Variants in XRCC4 observed in about 807,000 individuals in gnomAD.
XRCC4 encodes DNA repair protein XRCC4.
XRCC4 carries 28 observed loss-of-function variants against 39.1 expected under a neutral mutation model. That is an observed-to-expected ratio of 0.72 (90% CI 0.53 to 0.98). The LOEUF (loss-of-function observed/expected upper bound fraction) is 0.98. Ranked by LOEUF, XRCC4 falls within the 50% of genes least tolerant of loss-of-function variation. XRCC4 has a pLI of 0.00. For synonymous variants in XRCC4, 123 were observed against 126.4 expected, an observed-to-expected ratio of 0.97 and a Z score of 0.18; for missense variants, 350 against 376.4, an observed-to-expected ratio of 0.93 and a Z score of 0.58.
intron 6 of XRCC4, among the ~76,000 whole-genome samples, chr5:83,245,838 C>A (rs7724285): frequency 0.025 from 3,513 of 139,572 alleles, 125 homozygotes; most frequent in African/African-American, 0.087. Flanking sequence ...CTCACTCCCC[C>A]CCTCCATCTG....
intron 3 of XRCC4, among the ~76,000 whole-genome samples, chr5:83,162,705 G>C (rs1028527602): frequency 6.6e-6 from 1 of 151,830 alleles, no homozygotes; most frequent in African/African-American, 2.4e-5. Flanking sequence ...TAAAGTTCGT[G>C]GGTTTCTAGA....
intron 3 of XRCC4, among the ~76,000 whole-genome samples, chr5:83,153,938 T>G (rs1258123991): frequency 6.6e-6 from 1 of 152,226 alleles, no homozygotes. Flanking sequence ...TTTTTACAAC[T>G]TTTTTATTGG....
intron 3 of XRCC4, among the ~76,000 whole-genome samples, chr5:83,189,388 G>A (rs28523910): frequency 0.021 from 3,254 of 152,088 alleles, 94 homozygotes; most frequent in African/African-American, 0.072. Context: ...ATATTAAATC[G>A]TATAGCGTAG....
At chr5:83,277,323 TA>T (rs1754369624) in intron 7 of XRCC4, among the ~76,000 whole-genome samples, 1 of 152,212 alleles carries the variant, frequency 6.6e-6, no homozygotes, top group Non-Finnish European at 1.5e-5. Flanking sequence ...AAGTTTTGAT[TA>T]AAAGTGACAT....
chr5:83,365,636 TA>T, the XRCC4 span, among the ~76,000 whole-genome samples: 1 of 152,264 alleles, frequency 6.6e-6, no homozygotes, highest in East Asian at 1.9e-4. Context: ...TTTTGGCAGA[TA>T]ATACACAAGT....
intron 7 of XRCC4, among the ~76,000 whole-genome samples, chr5:83,290,403 A>G (rs936782394): frequency 6.6e-6 from 1 of 151,028 alleles, no homozygotes; most frequent in Admixed American, 6.6e-5. Context: ...AGAAACTTAA[A>G]TATCTATATT....
intron 3 of XRCC4, among the ~76,000 whole-genome samples, chr5:83,126,663 G>A (rs1196797850): frequency 1.3e-5 from 2 of 152,136 alleles, no homozygotes; most frequent in Admixed American, 6.5e-5. Context: ...GTGGGAAGAA[G>A]GCCACCTGAA....
intron 7 of XRCC4, among the ~76,000 whole-genome samples, chr5:83,311,494 G>A (rs1046951051): frequency 7.9e-5 from 12 of 151,734 alleles, no homozygotes; most frequent in South Asian, 4.2e-4. Flanking sequence ...CATCTATTAC[G>A]TATCAATTAA....
chr5:83,117,440 A>G lies in XRCC4; in HGVS notation c.315+6237A>G, dbSNP rs151160865. Among the ~76,000 whole-genome samples the G allele has an allele frequency of 3.4e-4, 51 of 152,236 alleles. 1 individual carries two copies. The highest frequency in any genetic ancestry group is 9.9e-4 in the African/African-American group (41 of 41,542). On this transcript the variant is annotated intron_variant, in intron 3 of 7. Coordinates refer to ENST00000396027, the MANE Select transcript of XRCC4 (RefSeq NM_003401.5). Reference sequence around the variant, plus strand: ...ATTCATCTTCCTTTTTTGCTTTCATATCTCACTCTGTTTCTTTAGAAAAAT... The same window carrying G: ...ATTCATCTTCCTTTTTTGCTTTCATGTCTCACTCTGTTTCTTTAGAAAAAT...
chr5:83,330,315 TAGC>T lies in XRCC4; in HGVS notation c.894-22811_894-22809del, dbSNP rs1258834005. Reference sequence around the variant, plus strand: ...CCAAAAATTCATATTAAAACATTCATAGCAGCATTATTTTTGCAAAATAAAATA... The same window carrying T: ...CCAAAAATTCATATTAAAACATTCATAGCATTATTTTTGCAAAATAAAATA... On this transcript the variant is annotated intron_variant, in intron 7 of 7. Coordinates refer to ENST00000396027, the MANE Select transcript of XRCC4 (RefSeq NM_003401.5). Among the ~76,000 whole-genome samples, 4 of 152,124 alleles carry T rather than the reference TAGC, an allele frequency of 2.6e-5. No individual in the cohort carries two copies. In the East Asian group the frequency reaches 7.7e-4, roughly 29 times the overall value.
intron 3 of XRCC4, among the ~76,000 whole-genome samples, chr5:83,144,755 A>C (rs1476972523): frequency 6.6e-6 from 1 of 151,842 alleles, no homozygotes; most frequent in Non-Finnish European, 1.5e-5. Flanking sequence ...TCTTTCTTCA[A>C]GTTCATTGTC....
At chr5:83,207,864 T>C (rs1039635452) in intron 6 of XRCC4, among the ~76,000 whole-genome samples, 2 of 152,074 alleles carry the variant, frequency 1.3e-5, no homozygotes, top group Non-Finnish European at 2.9e-5. Context: ...CCTGATCTTA[T>C]TCTGCCATCT....
intron 7 of XRCC4, among the ~76,000 whole-genome samples, chr5:83,351,732 T>C (rs1757089776): frequency 6.6e-6 from 1 of 152,178 alleles, no homozygotes; most frequent in Non-Finnish European, 1.5e-5. Context: ...TTGTCTGAAA[T>C]TGGCTTGCTC....
At chr5:83,363,088 G>A in the XRCC4 span, among the ~76,000 whole-genome samples, 54 of 152,304 alleles carry the variant, frequency 3.5e-4, no homozygotes, top group Middle Eastern at 3.4e-3. Context: ...CTGTAAGAGA[G>A]ATGTGCCCAG....
At chr5:83,164,836 T>C (rs1354655469) in intron 3 of XRCC4, among the ~76,000 whole-genome samples, 2 of 152,152 alleles carry the variant, frequency 1.3e-5, no homozygotes, top group Admixed American at 1.3e-4. Flanking sequence ...GATTTCATTT[T>C]GTTAAAAAGC....
intron 3 of XRCC4, among the ~76,000 whole-genome samples, chr5:83,162,518 C>A (rs1749265367): frequency 6.6e-6 from 1 of 152,192 alleles, no homozygotes; most frequent in South Asian, 2.1e-4. Flanking sequence ...CTCACTGCCT[C>A]TTCAACTGCT....
At chr5:83,256,955 A>G (rs554711057) in intron 6 of XRCC4, among the ~76,000 whole-genome samples, 8 of 152,286 alleles carry the variant, frequency 5.3e-5, no homozygotes, top group Non-Finnish European at 1.2e-4. Context: ...TTAAGGATTA[A>G]CAAGGTAATA....
intron 3 of XRCC4, among the ~76,000 whole-genome samples, chr5:83,171,145 A>T (rs149156591): frequency 1.3e-5 from 2 of 151,982 alleles, no homozygotes; most frequent in Middle Eastern, 3.4e-3. Context: ...GCTTGCTTCC[A>T]CTTCTCAACT....
At chr5:83,179,935 G>C (rs371059946) in intron 3 of XRCC4, among the ~76,000 whole-genome samples, 3 of 152,116 alleles carry the variant, frequency 2.0e-5, no homozygotes, top group African/African-American at 7.2e-5. Context: ...TTTTTTTACT[G>C]AATTAGAAGG....
Sources: allele counts gnomAD v4.1 joint callset (sites outside exome capture counted in the v4.1 genomes callset), GRCh38; gene constraint gnomAD v4.1.1; transcripts MANE v1.5; gene names NCBI Gene and HGNC (gene_info 2026-07-23, HGNC 2026-07-21).